PCCA: variants seen among roughly 807,000 people sequenced by gnomAD.
The protein encoded by PCCA is propionyl-CoA carboxylase subunit alpha, also known as propionyl-CoA carboxylase alpha chain, mitochondrial.
In PCCA, 74 loss-of-function variants were observed where a neutral mutation model predicts 101.3. The ratio of observed to expected loss-of-function variants is 0.73; its 90% CI spans 0.61 to 0.89. The LOEUF is 0.89. PCCA is among the 40% of genes least tolerant of loss of function. PCCA has a pLI of 0.00. For synonymous variants in PCCA, 294 were observed against 313.6 expected (o/e 0.94, Z 0.66); for missense variants, 891 against 907.0 (o/e 0.98, Z 0.23).
At chr13:100,136,594 G>A (rs1176672118) in intron 4 of PCCA, among the ~76,000 whole-genome samples, 1 of 152,094 alleles carries the variant, frequency 6.6e-6, no homozygotes, top group African/African-American at 2.4e-5. Flanking sequence ...GGAGTATTCA[G>A]GTTATCTATC....
chr13:100,516,647 A>G (rs147831297), intron 22 of PCCA, among the ~76,000 whole-genome samples: 217 of 152,314 alleles, frequency 1.4e-3, no homozygotes, highest in Admixed American at 2.9e-3. Flanking sequence ...GTTTGCTGTG[A>G]AAGCATTGAT....
At chr13:100,424,036 T>A (rs1009869059) in intron 19 of PCCA, among the ~76,000 whole-genome samples, 2 of 152,196 alleles carry the variant, frequency 1.3e-5, no homozygotes, top group Non-Finnish European at 2.9e-5. Context: ...TCCAACCAAC[T>A]GCAGATATTT....
At chr13:100,205,533 A>G (rs929813679) in intron 6 of PCCA, among the ~76,000 whole-genome samples, 1 of 120,756 alleles carries the variant, frequency 8.3e-6, no homozygotes, top group African/African-American at 3.2e-5. Flanking sequence ...AATACTTGAT[A>G]TAAGCTTTTT....
At chr13:100,171,857 C>G (rs772279573) in intron 6 of PCCA, among the ~76,000 whole-genome samples, 1 of 151,990 alleles carries the variant, frequency 6.6e-6, no homozygotes, top group East Asian at 1.9e-4. Context: ...ACGGTGAAAC[C>G]CTGTCTCTAC....
At chr13:100,237,886 G>A (rs1207616658) in intron 8 of PCCA, among the ~76,000 whole-genome samples, 1 of 151,422 alleles carries the variant, frequency 6.6e-6, no homozygotes, top group Non-Finnish European at 1.5e-5. Flanking sequence ...GCAGGCCGTG[G>A]ATTGCTTTGC....
At chr13:100,211,547 T>G (rs2059212271) in intron 7 of PCCA, among the ~76,000 whole-genome samples, 1 of 152,132 alleles carries the variant, frequency 6.6e-6, no homozygotes, top group African/African-American at 2.4e-5. Context: ...TCAGTTCTAG[T>G]TTTTGTGTTT....
At chr13:100,110,972 C>G (rs555662210) in intron 2 of PCCA, among the ~76,000 whole-genome samples, 1 of 151,440 alleles carries the variant, frequency 6.6e-6, no homozygotes, top group Non-Finnish European at 1.5e-5. Context: ...CTTGGGATTA[C>G]GGGCATGCAC....
intron 21 of PCCA, among the ~76,000 whole-genome samples, chr13:100,459,171 A>G (rs116432579): frequency 0.011 from 1,673 of 152,256 alleles, 26 homozygotes; most frequent in African/African-American, 0.038. Flanking sequence ...TAAATCCAGC[A>G]CCACCAGTCA....
intron 4 of PCCA, among the ~76,000 whole-genome samples, chr13:100,137,179 T>C (rs1476333338): frequency 6.6e-6 from 1 of 152,186 alleles, no homozygotes; most frequent in Non-Finnish European, 1.5e-5. Flanking sequence ...CTTTCTGTTA[T>C]TTATTTCTAA....
rs538500169 is a variant in PCCA, at chr13:100,303,059, T to C, written c.1284+61T>C. On this transcript the variant is annotated intron_variant, in intron 14 of 23. Coordinates refer to ENST00000376285, the MANE Select transcript of PCCA (RefSeq NM_000282.4). ...AAAATCGTGATTTATGTCATACTTT[T>C]ATGTTAAAGCATGTCAACACCAAAG... 3.1e-5 allele frequency: 29 copies of C among 930,924 alleles called. No homozygotes were observed. The Admixed American group carries it at 3.6e-4, about 11-fold the overall frequency. The allele number at this position is 930,924 out of a possible 1,614,324, so 57.7% of individuals were successfully genotyped here. A position where few individuals can be genotyped will look rare whatever the true frequency, so the allele number is the denominator to read the frequency against.
intron 19 of PCCA, among the ~76,000 whole-genome samples, chr13:100,386,821 T>G (rs1386152326): frequency 6.6e-6 from 1 of 152,194 alleles, no homozygotes; most frequent in Non-Finnish European, 1.5e-5. Flanking sequence ...GCCTGTGAGT[T>G]GGGGAGCTGG....
Position 100,195,994 on chromosome 13 carries a change from A to G in PCCA, c.469-13338A>G, listed in dbSNP as rs1165624151. ...TAAAAAGAAAAAATCAAATATGCAC[A>G]AAAGAAATGGAAAACACTAACATAC... On this transcript the variant is annotated intron_variant, in intron 6 of 23. Transcript: ENST00000376285. 2.6e-5 allele frequency among the ~76,000 whole-genome samples: 4 copies of G among 152,318 alleles called. No individual in the cohort carries two copies. In the South Asian group the frequency reaches 8.3e-4, roughly 32 times the overall value.
intron 16 of PCCA, among the ~76,000 whole-genome samples, chr13:100,319,329 C>G (rs2067739314): frequency 6.6e-6 from 1 of 151,864 alleles, no homozygotes; most frequent in East Asian, 1.9e-4. Flanking sequence ...TGCAGAAGCT[C>G]TTTAGTTTAA....
intron 7 of PCCA, among the ~76,000 whole-genome samples, chr13:100,214,438 T>A (rs1192238961): frequency 1.3e-5 from 2 of 151,916 alleles, no homozygotes; most frequent in Non-Finnish European, 2.9e-5. Context: ...TGTGTGTTTT[T>A]TTTTTTAGAT....
chr13:100,151,131 A>G (rs1402808712), intron 4 of PCCA: 1 of 1,047,444 alleles, frequency 9.5e-7, no homozygotes. Context: ...AGACGGAAGA[A>G]AAGAAGTTTA....
chr13:100,219,135 T>C (rs544020316), intron 7 of PCCA, among the ~76,000 whole-genome samples: 2 of 152,310 alleles, frequency 1.3e-5, no homozygotes, highest in Admixed American at 1.3e-4. Context: ...TATTATTTCC[T>C]TATGAGGTCT....
chr13:100,209,559 T>TACACAC (rs34598548), intron 7 of PCCA, 96 bp downstream of exon 7: 7 of 799,020 alleles, frequency 8.8e-6, no homozygotes, highest in East Asian at 8.4e-5. Context: ...TTTTGGGATA[T>TACACAC]ACACACACAC....
intron 6 of PCCA, among the ~76,000 whole-genome samples, chr13:100,205,942 A>C (rs983946358): frequency 1.3e-5 from 2 of 152,134 alleles, no homozygotes; most frequent in Admixed American, 1.3e-4. Flanking sequence ...GTCCGAAATG[A>C]TTCATGTATC....
chr13:100,314,185 C>T (rs1242236192), intron 16 of PCCA, among the ~76,000 whole-genome samples: 2 of 152,082 alleles, frequency 1.3e-5, no homozygotes, highest in Non-Finnish European at 2.9e-5. Context: ...TCACAGAACT[C>T]GCAGAAACTC....
Sources: allele counts gnomAD v4.1 joint callset (sites outside exome capture counted in the v4.1 genomes callset), GRCh38; gene constraint gnomAD v4.1.1; transcripts MANE v1.5; gene names NCBI Gene and HGNC (gene_info 2026-07-23, HGNC 2026-07-21).